Variants in CLVS1 observed in about 807,000 individuals in gnomAD.
CLVS1 encodes the protein clavesin 1.
In CLVS1, 10 loss-of-function variants were observed where a neutral mutation model predicts 33.1. The ratio of observed to expected loss-of-function variants is 0.30; its 90% CI spans 0.19 to 0.51. The LOEUF is 0.51. Ranked by LOEUF, CLVS1 falls within the 20% of genes least tolerant of loss-of-function variation. The probability of loss-of-function intolerance (pLI) is 0.97; values close to 1 mark genes in which losing one functional copy is unlikely to be tolerated. For synonymous variants in CLVS1, 163 were observed against 166.1 expected (o/e 0.98, Z 0.14); for missense variants, 343 against 433.4 (o/e 0.79, Z 1.85).
chr8:61,230,459 G>C (rs1279739035), intron 2 of CLVS1, among the ~76,000 whole-genome samples: 1 of 152,134 alleles, frequency 6.6e-6, no homozygotes, highest in Non-Finnish European at 1.5e-5. Flanking sequence ...AGCTTATTAA[G>C]AGGAATTAAT....
intron 1 of CLVS1, among the ~76,000 whole-genome samples, chr8:61,085,039 T>C (rs1805093623): frequency 6.6e-6 from 1 of 152,156 alleles, no homozygotes; most frequent in African/African-American, 2.4e-5. Flanking sequence ...AAAAAATACA[T>C]CAGAACTGCT....
At chr8:61,449,969 C>A (rs1816895736) in intron 3 of CLVS1, among the ~76,000 whole-genome samples, 1 of 152,186 alleles carries the variant, frequency 6.6e-6, no homozygotes, top group South Asian at 2.1e-4. Flanking sequence ...ATGAGAAAAT[C>A]TTGAAATACA....
intron 1 of CLVS1, among the ~76,000 whole-genome samples, chr8:61,124,228 A>G (rs1034268521): frequency 2.0e-5 from 3 of 152,228 alleles, no homozygotes; most frequent in African/African-American, 7.2e-5. Context: ...TTGAGTTTTA[A>G]AACCACGAGT....
intron 3 of CLVS1, among the ~76,000 whole-genome samples, chr8:61,440,817 C>T (rs975134435): frequency 6.6e-6 from 1 of 152,162 alleles, no homozygotes; most frequent in South Asian, 2.1e-4. Flanking sequence ...TACAGCTTCT[C>T]GGACATCAAC....
At chr8:61,365,734 T>C (rs775929065) in intron 2 of CLVS1, among the ~76,000 whole-genome samples, 1 of 150,596 alleles carries the variant, frequency 6.6e-6, no homozygotes, top group African/African-American at 2.4e-5. Context: ...TTTGTGATTT[T>C]AGAAGATGCC....
chr8:61,277,963 G>A (rs995402521), intron 2 of CLVS1, among the ~76,000 whole-genome samples: 5 of 152,194 alleles, frequency 3.3e-5, no homozygotes, highest in African/African-American at 1.2e-4. Context: ...AGTTAGTAAA[G>A]CTTGTTAATG....
At chr8:61,214,112 T>C (rs1192200167) in intron 2 of CLVS1, among the ~76,000 whole-genome samples, 1 of 152,180 alleles carries the variant, frequency 6.6e-6, no homozygotes, top group Non-Finnish European at 1.5e-5. Context: ...CCGGTTGCTC[T>C]CAAAACCCTA....
chr8:61,040,337 T>C, the CLVS1 span, among the ~76,000 whole-genome samples: 4 of 152,224 alleles, frequency 2.6e-5, no homozygotes, highest in Non-Finnish European at 5.9e-5. Context: ...TTATTTTCCT[T>C]TGGGCATATA....
chr8:61,393,773 C>A (rs1025301726), intron 3 of CLVS1, among the ~76,000 whole-genome samples: 1 of 152,152 alleles, frequency 6.6e-6, no homozygotes, highest in Non-Finnish European at 1.5e-5. Flanking sequence ...TCAGGACTCC[C>A]AGCCATGAAT....
intron 2 of CLVS1, among the ~76,000 whole-genome samples, chr8:61,263,951 GT>G (rs1809256214): frequency 6.6e-6 from 1 of 152,166 alleles, no homozygotes; most frequent in Admixed American, 6.5e-5. Flanking sequence ...TGAGGAAGTG[GT>G]AATTGTCGCA....
At chr8:61,215,052 C>A (rs1808055627) in intron 2 of CLVS1, among the ~76,000 whole-genome samples, 1 of 151,976 alleles carries the variant, frequency 6.6e-6, no homozygotes, top group African/African-American at 2.4e-5. Flanking sequence ...TTTCAAGTGC[C>A]TTTTATTATT....
chr8:60,970,484 A>C, the CLVS1 span, among the ~76,000 whole-genome samples: 1 of 152,184 alleles, frequency 6.6e-6, no homozygotes, highest in Non-Finnish European at 1.5e-5. Flanking sequence ...TGGGAGGTTA[A>C]TTTTTTGCAA....
At chr8:61,183,924 C>T (rs973136165) in intron 2 of CLVS1, among the ~76,000 whole-genome samples, 1 of 152,148 alleles carries the variant, frequency 6.6e-6, no homozygotes, top group Middle Eastern at 3.2e-3. Flanking sequence ...GATGTGTTTT[C>T]CTCATATAAG....
intron 3 of CLVS1, among the ~76,000 whole-genome samples, chr8:61,412,320 G>A (rs1815261358): frequency 6.6e-6 from 1 of 152,098 alleles, no homozygotes; most frequent in African/African-American, 2.4e-5. Flanking sequence ...ACAGGGACAG[G>A]ACCAAATCAA....
At chr8:61,469,591 C>G (rs564191892) in intron 5 of CLVS1, among the ~76,000 whole-genome samples, 2 of 152,304 alleles carry the variant, frequency 1.3e-5, no homozygotes, top group South Asian at 4.1e-4. Context: ...GATCTTTGAG[C>G]ATGTTGTCCT....
the CLVS1 span, among the ~76,000 whole-genome samples, chr8:61,044,686 C>A: frequency 3.4e-4 from 52 of 152,262 alleles, no homozygotes; most frequent in South Asian, 0.011. Flanking sequence ...GCACTATAGC[C>A]CCTCTTGTGG....
chr8:60,968,888 C>CA, the CLVS1 span, among the ~76,000 whole-genome samples: 139 of 148,008 alleles, frequency 9.4e-4, no homozygotes, highest in Middle Eastern at 0.01. Flanking sequence ...GACCCTGTTT[C>CA]AAAAAAAATA....
chr8:61,035,794 C>T, the CLVS1 span, among the ~76,000 whole-genome samples: 1 of 152,148 alleles, frequency 6.6e-6, no homozygotes, highest in African/African-American at 2.4e-5. Context: ...ATCTTCCCCT[C>T]CTCAAATCCT....
chr8:61,321,782 T>C (rs1309896658), intron 2 of CLVS1, among the ~76,000 whole-genome samples: 2 of 152,264 alleles, frequency 1.3e-5, no homozygotes, highest in African/African-American at 4.8e-5. Flanking sequence ...ATATTTTCTC[T>C]TGTTTCTTAT....
Sources: allele counts gnomAD v4.1 joint callset (sites outside exome capture counted in the v4.1 genomes callset), GRCh38; gene constraint gnomAD v4.1.1; transcripts MANE v1.5; gene names NCBI Gene and HGNC (gene_info 2026-07-23, HGNC 2026-07-21).